DPYSL2: variants seen among roughly 807,000 people sequenced by gnomAD.
DPYSL2 encodes dihydropyrimidinase like 2.
A neutral mutation model predicts 69.9 loss-of-function variants in DPYSL2; 13 were observed. The ratio of observed to expected loss-of-function variants is 0.19; its 90% CI spans 0.12 to 0.30. DPYSL2 has a LOEUF of 0.30. Among genes scored for constraint, DPYSL2 ranks in the 10% least tolerant of loss-of-function variants. The pLI, the probability that DPYSL2 is intolerant of heterozygous loss-of-function variation, is 1.00. For synonymous variants in DPYSL2, 326 were observed against 359.1 expected, an observed-to-expected ratio of 0.91 and a Z score of 1.04; for missense variants, 587 against 918.9, an observed-to-expected ratio of 0.64 and a Z score of 4.67.
chr8:26,548,924 C>T (rs541123795), intron 1 of DPYSL2, among the ~76,000 whole-genome samples: 2 of 151,838 alleles, frequency 1.3e-5, no homozygotes, highest in Non-Finnish European at 2.9e-5. Context: ...CGCAGTGGCT[C>T]ACGCCTATAA....
intron 1 of DPYSL2, among the ~76,000 whole-genome samples, chr8:26,521,800 T>G (rs1212054540): frequency 6.6e-6 from 1 of 152,170 alleles, no homozygotes; most frequent in African/African-American, 2.4e-5. Flanking sequence ...TCTGCTTTTG[T>G]TTTTCACTTA....
At position 26,657,133 on chromosome 8, in the gene DPYSL2, A is replaced by T. The variant is rs959500329; in HGVS notation, c.*1427A>T. The T allele has an allele frequency of 1.3e-5, 2 of 152,348 alleles. 1 individual carries two copies. The highest frequency in any genetic ancestry group is 2.9e-5 in the Non-Finnish European group (2 of 68,034). The allele number at this position is 152,348 out of a possible 1,614,324, so 9.4% of individuals were successfully genotyped here. A position where few individuals can be genotyped will look rare whatever the true frequency, so the allele number is the denominator to read the frequency against. ...AGAGGCCCTATAAACTCAAAAAGTC[A>T]TTGGGAAACTTAAAGTCTATTCTAC... is the stretch of plus-strand genomic sequence containing the variant. On this transcript the variant is annotated 3_prime_UTR_variant, in exon 14 of 14. Coordinates refer to ENST00000521913, the MANE Select transcript of DPYSL2 (RefSeq NM_001197293.3).
chr8:26,526,822 C>T (rs1419071789), intron 1 of DPYSL2, among the ~76,000 whole-genome samples: 3 of 152,188 alleles, frequency 2.0e-5, no homozygotes, highest in African/African-American at 7.2e-5. Context: ...CCATGGGGCG[C>T]CTCTGTCCAA....
In DPYSL2 at chr8:26,657,203, G is replaced by C. The variant is rs1803412690; in HGVS notation, c.*1497G>C. ...GTTTTATGAACGATAGATCACATCA[G>C]AACTCCTGTGGGGAGGAAACCTTAT... On this transcript the variant is annotated 3_prime_UTR_variant, in exon 14 of 14. Coordinates refer to ENST00000521913, the MANE Select transcript of DPYSL2 (RefSeq NM_001197293.3). 6.6e-6 allele frequency: 1 copy of C among 152,568 alleles called. No individual in the cohort carries two copies. The highest frequency in any genetic ancestry group is 1.5e-5 in the Non-Finnish European group (1 of 68,048). The allele number at this position is 152,568 out of a possible 1,614,324, so 9.5% of individuals were successfully genotyped here.
chr8:26,637,603 ACAC>A (rs1802949445), intron 8 of DPYSL2: 1 of 152,236 alleles, frequency 6.6e-6, no homozygotes, highest in African/African-American at 2.4e-5. Flanking sequence ...CAGTGGCCTG[ACAC>A]CCAGCAGAGA....
chr8:26,525,219 A>G (rs1192537843), intron 1 of DPYSL2, among the ~76,000 whole-genome samples: 1 of 151,836 alleles, frequency 6.6e-6, no homozygotes, highest in Non-Finnish European at 1.5e-5. Flanking sequence ...TGAGTTTTTG[A>G]AATTGTTGGG....
intron 1 of DPYSL2, among the ~76,000 whole-genome samples, chr8:26,557,925 G>T (rs944327951): frequency 6.6e-6 from 1 of 151,684 alleles, no homozygotes; most frequent in Non-Finnish European, 1.5e-5. Context: ...AGTTCCTGTC[G>T]CTCTACATCC....
intron 1 of DPYSL2, among the ~76,000 whole-genome samples, chr8:26,524,877 G>A (rs1345586600): frequency 1.4e-5 from 2 of 139,344 alleles, no homozygotes; most frequent in African/African-American, 5.4e-5. Flanking sequence ...GACATCACTA[G>A]ATATTATAGT....
chr8:26,635,603 C>T (rs901317100), intron 8 of DPYSL2, among the ~76,000 whole-genome samples: 1 of 152,166 alleles, frequency 6.6e-6, no homozygotes, highest in Admixed American at 6.5e-5. Flanking sequence ...TCTCCTCGTA[C>T]AGAAAGCCTG....
At chr8:26,634,651 C>G in intron 7 of DPYSL2, 129 bp from the exon 8 acceptor site, 2 of 1,494,530 alleles carry the variant, frequency 1.3e-6, no homozygotes, top group Non-Finnish European at 1.8e-6. Context: ...TTTGAATTGT[C>G]CCCTGGGGTA....
At chr8:26,556,592 A>T (rs1461180067) in intron 1 of DPYSL2, among the ~76,000 whole-genome samples, 3 of 151,214 alleles carry the variant, frequency 2.0e-5, no homozygotes, top group Non-Finnish European at 4.4e-5. Context: ...TGTACAAAAA[A>T]TACTTAGTTA....
intron 3 of DPYSL2, among the ~76,000 whole-genome samples, chr8:26,599,647 A>G (rs979355599): frequency 8.0e-5 from 12 of 149,656 alleles, no homozygotes; most frequent in African/African-American, 2.7e-4. Flanking sequence ...TTACATGAGT[A>G]TACTGACTCT....
In DPYSL2 at chr8:26,587,945, C is replaced by T. The variant is rs967861139; in HGVS notation, c.628+3962C>T. ...ACTTGCCAACACTTACCCTGTGCGT[C>T]GGTGCAGGTGGCCAGGTGTGGAACA... On this transcript the variant is annotated intron_variant, in intron 3 of 13. Transcript: ENST00000521913. This position sits in a 1 kb window ranked among gnomAD's most constrained non-coding sequence, Gnocchi z 4.2. 5.3e-5 allele frequency among the ~76,000 whole-genome samples: 8 copies of T among 152,186 alleles called. No individual in the cohort carries two copies. Among genetic ancestry groups the T allele is most frequent in the African/African-American group, 1.2e-4 (5 of 41,444 alleles).
Position 26,647,433 on chromosome 8 carries a change from A to G in DPYSL2, c.1426-197A>G, listed in dbSNP as rs543592961. Among the ~76,000 whole-genome samples the G allele has an allele frequency of 6.6e-5, 10 of 152,022 alleles. No individual in the cohort carries two copies. Among genetic ancestry groups the G allele is most frequent in the Non-Finnish European group, 1.3e-4 (9 of 68,002 alleles). On this transcript the variant is annotated intron_variant, in intron 10 of 13. Coordinates refer to ENST00000521913, the MANE Select transcript of DPYSL2 (RefSeq NM_001197293.3). This position sits in a 1 kb window ranked among gnomAD's most constrained non-coding sequence, Gnocchi z 5.1. Reference sequence around the variant, plus strand: ...CCCTCATCTGTTCTCCATCTCTACCATTTTGTTATTTGGAGAATGTTATAG... The same window carrying G: ...CCCTCATCTGTTCTCCATCTCTACCGTTTTGTTATTTGGAGAATGTTATAG...
intron 1 of DPYSL2, among the ~76,000 whole-genome samples, chr8:26,556,953 A>C (rs1489892229): frequency 1.3e-5 from 2 of 152,314 alleles, no homozygotes; most frequent in Non-Finnish European, 2.9e-5. Context: ...TGATAAAGGA[A>C]CAAGGACAAT....
At chr8:26,576,756 A>G (rs1385328656) in intron 1 of DPYSL2, among the ~76,000 whole-genome samples, 1 of 152,228 alleles carries the variant, frequency 6.6e-6, no homozygotes, top group Non-Finnish European at 1.5e-5. Context: ...CCTGTGGGAT[A>G]TAAACTCTTC....
Position 26,624,376 on chromosome 8 carries a change from G to A in DPYSL2, c.793+69G>A. Reference sequence around the variant, plus strand: ...CAGTCCATCAACTGGCACAGCCCTGGGAAGAAAGTGATAATGCTTCCAGAT... The same window carrying A: ...CAGTCCATCAACTGGCACAGCCCTGAGAAGAAAGTGATAATGCTTCCAGAT... On this transcript the variant is annotated intron_variant, in intron 4 of 13. Transcript: ENST00000521913. The surrounding 1 kb of genome is among the most constrained non-coding windows in gnomAD (Gnocchi z 4.7). 1 of 1,554,618 alleles carries A rather than the reference G, an allele frequency of 6.4e-7. No individual in the cohort carries two copies. The highest frequency in any genetic ancestry group is 8.8e-7 in the Non-Finnish European group (1 of 1,142,152).
At position 26,650,111 on chromosome 8, in the gene DPYSL2, G is replaced by T. The variant is rs2129990470; in HGVS notation, c.1597-2146G>T. On this transcript the variant is annotated intron_variant, in intron 11 of 13. Coordinates refer to ENST00000521913, the MANE Select transcript of DPYSL2 (RefSeq NM_001197293.3). This position sits in a 1 kb window ranked among gnomAD's most constrained non-coding sequence, Gnocchi z 5.3. Reference sequence around the variant, plus strand: ...TGAAGATTTTCTAAATGCCTACTGTGAGCCAAATAGTGAGCTAGATGCTTT... The same window carrying T: ...TGAAGATTTTCTAAATGCCTACTGTTAGCCAAATAGTGAGCTAGATGCTTT... Among the ~76,000 whole-genome samples, 1 of 152,346 alleles carries T rather than the reference G, an allele frequency of 6.6e-6. No individual in the cohort carries two copies. Among genetic ancestry groups the T allele is most frequent in the African/African-American group, 2.4e-5 (1 of 41,584 alleles).
rs1387613676 is a variant in DPYSL2, at chr8:26,619,992, G to C, written c.629-4151G>C. ...CAGTCACCAGCCTGAAGTTGTCCTTGTCTGTCACCCTCCCCACTTTGTCTA... is the reference window on the plus strand; with the variant it reads ...CAGTCACCAGCCTGAAGTTGTCCTTCTCTGTCACCCTCCCCACTTTGTCTA... On this transcript the variant is annotated intron_variant, in intron 3 of 13. Coordinates refer to ENST00000521913, the MANE Select transcript of DPYSL2 (RefSeq NM_001197293.3). This position sits in a 1 kb window ranked among gnomAD's most constrained non-coding sequence, Gnocchi z 4.8. 1 of 152,174 alleles carries C rather than the reference G, an allele frequency of 6.6e-6. No homozygotes were observed. The highest frequency in any genetic ancestry group is 2.4e-5 in the African/African-American group (1 of 41,340). The allele number at this position is 152,174 out of a possible 1,614,324, so 9.4% of individuals were successfully genotyped here.
Sources: allele counts gnomAD v4.1 joint callset (sites outside exome capture counted in the v4.1 genomes callset), GRCh38; gene constraint gnomAD v4.1.1; non-coding constraint Gnocchi (gnomAD v3.1); transcripts MANE v1.5; gene names NCBI Gene and HGNC (gene_info 2026-07-23, HGNC 2026-07-21).